Variants in TMIGD2 observed in about 807,000 individuals in gnomAD.
TMIGD2 encodes transmembrane and immunoglobulin domain-containing protein 2.
In TMIGD2, 18 loss-of-function variants were observed where a neutral mutation model predicts 22.6. The ratio of observed to expected loss-of-function variants is 0.80; its 90% CI spans 0.55 to 1.18. The LOEUF is 1.18. TMIGD2 is among the 50% of genes most tolerant of loss of function. TMIGD2 has a pLI of 0.00. For missense variants in TMIGD2, 361 were observed against 378.2 expected, an observed-to-expected ratio of 0.95 and a Z score of 0.38; for synonymous variants, 184 against 154.1, an observed-to-expected ratio of 1.19 and a Z score of -1.44.
At chr19:4,294,376 A>G (rs1971428998) in intron 4 of TMIGD2, among the ~76,000 whole-genome samples, 1 of 152,128 alleles carries the variant, frequency 6.6e-6, no homozygotes, top group South Asian at 2.1e-4. Flanking sequence ...TTTTGTAGAG[A>G]TGGGATCTTG....
chr19:4,297,594 G>C (rs943647098), intron 2 of TMIGD2, among the ~76,000 whole-genome samples: 12 of 152,254 alleles, frequency 7.9e-5, no homozygotes, highest in Admixed American at 6.5e-4. Context: ...TGGTGGCTCA[G>C]GCCTGTAATC....
At chr19:4,292,998 C>T in intron 4 of TMIGD2, 113 bp from the exon 5 acceptor site, 7 of 1,481,306 alleles carry the variant, frequency 4.7e-6, no homozygotes, top group South Asian at 2.5e-5. Flanking sequence ...GAGTCTCACT[C>T]TGTCGCCCAG....
At chr19:4,293,551 C>T (rs1326650225) in intron 4 of TMIGD2, among the ~76,000 whole-genome samples, 2 of 148,298 alleles carry the variant, frequency 1.3e-5, no homozygotes, top group East Asian at 2.0e-4. Context: ...TGAGCCACTG[C>T]ACCCGGCCAA....
intron 1 of TMIGD2, among the ~76,000 whole-genome samples, chr19:4,300,738 C>T (rs1301980757): frequency 2.0e-5 from 3 of 152,106 alleles, no homozygotes; most frequent in South Asian, 4.1e-4. Flanking sequence ...CAGTGCACAG[C>T]CCATGCAAAG....
chr19:4,293,941 T>C (rs1028335026), intron 4 of TMIGD2, among the ~76,000 whole-genome samples: 12 of 151,760 alleles, frequency 7.9e-5, no homozygotes, highest in African/African-American at 2.7e-4. Context: ...TTTGTATTTT[T>C]AGTAGAGACT....
intron 2 of TMIGD2, 29 bp from the exon 3 acceptor site, chr19:4,294,845 G>A: frequency 1.9e-6 from 3 of 1,539,202 alleles, no homozygotes; most frequent in Middle Eastern, 1.7e-4. Context: ...TGTCACGGGG[G>A]TGCCAGGCTT....
At chr19:4,298,651 G>A (rs1000463355) in intron 1 of TMIGD2, among the ~76,000 whole-genome samples, 1 of 152,086 alleles carries the variant, frequency 6.6e-6, no homozygotes, top group Non-Finnish European at 1.5e-5. Context: ...TGAAGGGATC[G>A]CTTGAGCCCA....
rs146838531 is a variant in TMIGD2 at position 4,296,093 on chromosome 19, A to G, written c.407-1277T>C. 2.6e-3 allele frequency among the ~76,000 whole-genome samples: 396 copies of G among 152,146 alleles called. 1 individual carries two copies. The highest frequency in any genetic ancestry group is 9.2e-3 in the African/African-American group (382 of 41,504). The stretch of plus-strand genomic sequence containing the variant: ...GCCACCATGCCTGGCTAATTTTAGA[A>G]TTTCTTGTAGAGATGAGGTCTTGCT... On this transcript the variant is annotated intron_variant, in intron 2 of 4. Transcript: ENST00000301272.
At chr19:4,298,173 G>A (rs199801402) in exon 2 of TMIGD2, 16 of 1,613,320 alleles carry the variant, frequency 9.9e-6, no homozygotes, top group South Asian at 5.5e-5. Flanking sequence ...TGAGGCTGCC[G>A]TTGGTGATGT....
chr19:4,301,890 C>T (rs971787498), intron 1 of TMIGD2, among the ~76,000 whole-genome samples: 2 of 152,042 alleles, frequency 1.3e-5, no homozygotes, highest in Non-Finnish European at 2.9e-5. Context: ...GTTAGACCCC[C>T]GGAGAAGTTG....
intron 2 of TMIGD2, 92 bp from the exon 3 acceptor site, chr19:4,294,908 C>T: frequency 7.8e-7 from 1 of 1,289,004 alleles, no homozygotes; most frequent in South Asian, 1.7e-5. Flanking sequence ...GTTCCTCCTC[C>T]TGCCAGGCTT....
At chr19:4,300,278 G>A (rs1013142455) in intron 1 of TMIGD2, among the ~76,000 whole-genome samples, 3 of 142,710 alleles carry the variant, frequency 2.1e-5, no homozygotes, top group Non-Finnish European at 4.5e-5. Context: ...ACAAAACAAG[G>A]CCGGGTGCAG....
At chr19:4,297,147 G>A (rs1971471942) in intron 2 of TMIGD2, among the ~76,000 whole-genome samples, 1 of 144,552 alleles carries the variant, frequency 6.9e-6, no homozygotes, top group Non-Finnish European at 1.5e-5. Flanking sequence ...TACAATCTGA[G>A]CTCACTGCAA....
intron 4 of TMIGD2, among the ~76,000 whole-genome samples, chr19:4,293,704 C>T (rs1971418533): frequency 1.3e-5 from 2 of 151,952 alleles, no homozygotes; most frequent in South Asian, 4.1e-4. Flanking sequence ...TCAAGCAATC[C>T]TCACACCTCA....
chr19:4,293,619 C>T (rs1347129755), intron 4 of TMIGD2, among the ~76,000 whole-genome samples: 1 of 150,286 alleles, frequency 6.7e-6, no homozygotes, highest in Non-Finnish European at 1.5e-5. Context: ...TTTTTTGAGA[C>T]AGGGTCTCTC....
At position 4,301,456 on chromosome 19, in the gene TMIGD2, C is replaced by G. The variant is rs12610943; in HGVS notation, c.46+884G>C. ...GGCCAAGGTGGGTGGATCATGAGGT[C>G]AGGAGTTCGAGACCCACCTGGCCGA... On this transcript the variant is annotated intron_variant, in intron 1 of 4. Coordinates refer to ENST00000301272, the Ensembl canonical transcript of TMIGD2. 6.5e-3 allele frequency among the ~76,000 whole-genome samples: 996 copies of G among 152,162 alleles called. 10 individuals are homozygous for G. The highest frequency in any genetic ancestry group is 0.023 in the African/African-American group (937 of 41,536).
At chr19:4,295,039 T>G (rs1971442821) in intron 2 of TMIGD2, among the ~76,000 whole-genome samples, 1 of 151,716 alleles carries the variant, frequency 6.6e-6, no homozygotes, top group Non-Finnish European at 1.5e-5. Flanking sequence ...GGCAGGAGGA[T>G]CACTCGAGGT....
exon 2 of TMIGD2, chr19:4,298,256 C>A (rs1382073518): frequency 6.2e-7 from 1 of 1,612,402 alleles, no homozygotes; most frequent in Non-Finnish European, 8.5e-7. Context: ...GCCTGGTCCA[C>A]CTGGCAGACC....
In TMIGD2 at chr19:4,294,116, A is replaced by G. The variant is rs1568372261; in HGVS notation, c.562+451T>C. Among the ~76,000 whole-genome samples the G allele has an allele frequency of 3.5e-5, 5 of 142,358 alleles. 1 individual carries two copies. The South Asian group carries it at 1.1e-3, about 32-fold the overall frequency. 93.4% of individuals were successfully genotyped at this position (142,358 alleles called of 152,430 possible). On this transcript the variant is annotated intron_variant, in intron 4 of 4. Transcript: ENST00000301272. ...CGCGTCTTGCTCTGTCACCCAGGCT[A>G]GAGTTCAGTGGCGCGATCTTGGCTC... is the stretch of plus-strand genomic sequence containing the variant.
Sources: allele counts gnomAD v4.1 joint callset (sites outside exome capture counted in the v4.1 genomes callset), GRCh38; gene constraint gnomAD v4.1.1; transcripts MANE v1.5; gene names NCBI Gene and HGNC (gene_info 2026-07-23, HGNC 2026-07-21).